FNBP1: variants seen among roughly 807,000 people sequenced by gnomAD.
FNBP1 encodes the protein formin-binding protein 1.
FNBP1 carries 26 observed loss-of-function variants against 90.6 expected under a neutral mutation model. That is an observed-to-expected ratio of 0.29 (90% confidence interval 0.21 to 0.40). FNBP1 has a LOEUF of 0.40. FNBP1 is among the 10% of genes least tolerant of loss of function. FNBP1 has a pLI of 1.00. For synonymous variants in FNBP1, 260 were observed against 265.2 expected (o/e 0.98, Z 0.19); for missense variants, 635 against 768.0 (o/e 0.83, Z 2.05).
At chr9:129,898,553 C>T (rs866332860) in intron 15 of FNBP1, among the ~76,000 whole-genome samples, 31 of 151,912 alleles carry the variant, frequency 2.0e-4, no homozygotes, top group African/African-American at 6.1e-4. Context: ...TAAAGTGGCA[C>T]GACCTCGGCT....
At chr9:130,019,193 C>T (rs2057564109) in intron 1 of FNBP1, among the ~76,000 whole-genome samples, 1 of 151,772 alleles carries the variant, frequency 6.6e-6, no homozygotes, top group South Asian at 2.1e-4. Context: ...CGTCAAGGCA[C>T]TCCACTCCCG....
intron 6 of FNBP1, among the ~76,000 whole-genome samples, chr9:129,939,689 G>A (rs887445949): frequency 6.6e-6 from 1 of 152,124 alleles, no homozygotes; most frequent in African/African-American, 2.4e-5. Flanking sequence ...ATTAGTTCCA[G>A]GTTGTCTGGC....
chr9:129,956,637 A>G (rs1007057851), intron 6 of FNBP1, among the ~76,000 whole-genome samples: 1 of 152,196 alleles, frequency 6.6e-6, no homozygotes, highest in African/African-American at 2.4e-5. Flanking sequence ...GGAGGAATCA[A>G]TTAGAAGTCA....
intron 4 of FNBP1, among the ~76,000 whole-genome samples, chr9:129,967,230 T>A (rs552022925): frequency 2.0e-5 from 3 of 152,208 alleles, no homozygotes; most frequent in South Asian, 2.1e-4. Flanking sequence ...GAAGTTGGTT[T>A]TGGGGCCGGG....
intron 2 of FNBP1, among the ~76,000 whole-genome samples, chr9:129,986,497 G>A (rs2052267003): frequency 6.6e-6 from 1 of 152,016 alleles, no homozygotes; most frequent in African/African-American, 2.4e-5. Context: ...GAAAAAAAAA[G>A]GATCTAAAGA....
chr9:129,908,546 AATT>A (rs943141966), intron 12 of FNBP1, among the ~76,000 whole-genome samples: 1 of 143,414 alleles, frequency 7.0e-6, no homozygotes, highest in African/African-American at 2.6e-5. Flanking sequence ...TTTTATTTTT[AATT>A]ATTATTATTT....
chr9:130,008,120 G>C (rs955759028), intron 1 of FNBP1, among the ~76,000 whole-genome samples: 2 of 151,502 alleles, frequency 1.3e-5, no homozygotes, highest in Admixed American at 1.3e-4. Flanking sequence ...CTGAATGGGA[G>C]GATCACTTGA....
intron 1 of FNBP1, among the ~76,000 whole-genome samples, chr9:130,037,304 A>G (rs1036623061): frequency 2.0e-5 from 3 of 152,056 alleles, no homozygotes; most frequent in Admixed American, 6.6e-5. Context: ...CAGTGAGCTG[A>G]GATCGCGCCA....
chr9:129,925,203 A>G, intron 8 of FNBP1, 46 bp from the exon 9 acceptor site: 1 of 1,491,992 alleles, frequency 6.7e-7, no homozygotes, highest in East Asian at 2.3e-5. Flanking sequence ...GAAGCATGCA[A>G]ACACTTTTTA....
intron 6 of FNBP1, among the ~76,000 whole-genome samples, chr9:129,936,722 T>A (rs533954909): frequency 2.0e-4 from 31 of 152,284 alleles, no homozygotes; most frequent in Non-Finnish European, 3.5e-4. Flanking sequence ...TAAATGAGAA[T>A]AAGCACTGGT....
intron 15 of FNBP1, among the ~76,000 whole-genome samples, chr9:129,898,110 G>A (rs138352255): frequency 0.029 from 4,430 of 152,196 alleles, 97 homozygotes; most frequent in Middle Eastern, 0.054. Flanking sequence ...GATTACAGGC[G>A]TGAGCCACCA....
At chr9:129,899,794 GGAA>G in intron 15 of FNBP1, among the ~76,000 whole-genome samples, 168 bp downstream of exon 15, 2 of 131,838 alleles carry the variant, frequency 1.5e-5, no homozygotes, top group African/African-American at 3.0e-5. Flanking sequence ...GGGAAGGGAA[GGAA>G]GGAAGGGGAA....
chr9:129,915,668 C>T (rs974516097), intron 11 of FNBP1, among the ~76,000 whole-genome samples: 2 of 152,040 alleles, frequency 1.3e-5, no homozygotes, highest in African/African-American at 4.8e-5. Flanking sequence ...CCGGCCTTTA[C>T]GTTAATATTT....
At chr9:129,959,683 T>C (rs916481515) in intron 4 of FNBP1, among the ~76,000 whole-genome samples, 3 of 152,308 alleles carry the variant, frequency 2.0e-5, no homozygotes, top group African/African-American at 7.2e-5. Flanking sequence ...TCATCTTTTT[T>C]AACTGCTTTG....
chr9:129,978,563 A>G lies in FNBP1; in HGVS notation c.247T>C (p.Tyr83His). ...FISNLNEMND[Y>H]AGQHEVISEN... ...GAGATAACTTCATGCTGCCCTGCGT[A>G]ATCATTCATTTCGTTCAGGTTGGAA... Residue 83 changes from tyrosine (Y) to histidine (H), a missense_variant, in exon 4 of 17, where the codon TAC becomes CAC. Physicochemically the swap from Tyr to His is moderately conservative, Grantham distance 83 (BLOSUM62 2). Coordinates refer to ENST00000446176, the MANE Select transcript of FNBP1 (RefSeq NM_015033.3). 1.2e-6 allele frequency: 2 copies of G among 1,613,914 alleles called. No individual in the cohort carries two copies. Among genetic ancestry groups the G allele is most frequent in the South Asian group, 1.1e-5 (1 of 91,074 alleles).
intron 6 of FNBP1, among the ~76,000 whole-genome samples, chr9:129,930,365 G>A (rs1402055066): frequency 6.6e-6 from 1 of 152,050 alleles, no homozygotes; most frequent in Non-Finnish European, 1.5e-5. Flanking sequence ...GCCTGGCTGG[G>A]AAATCCATGA....
chr9:129,911,396 T>C lies in FNBP1; in HGVS notation c.1186-2397A>G, dbSNP rs1190659269. ...ACAGACAGGCCCTGCTGGGTGTCAC[T>C]ACCTGATCTATTAGGATGCGATCAG... On this transcript the variant is annotated intron_variant, in intron 11 of 16. Transcript: ENST00000446176. Among the ~76,000 whole-genome samples, 8 of 152,176 alleles carry C rather than the reference T, an allele frequency of 5.3e-5. No individual in the cohort carries two copies. In the East Asian group the frequency reaches 1.5e-3, roughly 29 times the overall value.
intron 6 of FNBP1, among the ~76,000 whole-genome samples, chr9:129,936,139 A>G (rs1416197400): frequency 2.0e-5 from 3 of 152,262 alleles, no homozygotes; most frequent in African/African-American, 7.2e-5. Flanking sequence ...TTTGTCACCA[A>G]AAGTTTGGGG....
intron 2 of FNBP1, among the ~76,000 whole-genome samples, chr9:129,992,165 C>A (rs1195534046): frequency 6.6e-6 from 1 of 152,130 alleles, no homozygotes; most frequent in Non-Finnish European, 1.5e-5. Context: ...TGTGAAGAGG[C>A]AGGGGAAGAG....
Sources: gnomAD v4.1 joint callset for allele counts (sites outside exome capture counted in the v4.1 genomes callset) on GRCh38, gnomAD v4.1.1 for gene constraint, MANE v1.5 for transcripts, NCBI Gene and HGNC (gene_info 2026-07-23, HGNC 2026-07-21) for gene names.